Variants in RXFP2 observed in about 807,000 individuals in gnomAD.
RXFP2 encodes relaxin family peptide receptor 2, also known as relaxin receptor 2.
A neutral mutation model predicts 88.6 loss-of-function variants in RXFP2; 68 were observed. That is an observed-to-expected ratio of 0.77 (90% confidence interval 0.63 to 0.94). The LOEUF is 0.94. Ranked by LOEUF, RXFP2 falls within the 40% of genes least tolerant of loss-of-function variation. RXFP2 has a pLI of 0.00. For synonymous variants in RXFP2, 329 were observed against 306.8 expected, an observed-to-expected ratio of 1.07 and a Z score of -0.76; for missense variants, 791 against 893.9, an observed-to-expected ratio of 0.88 and a Z score of 1.47.
chr13:31,775,212 G>A (rs940584477), intron 6 of RXFP2, 106 bp from the exon 7 acceptor site: 5 of 929,432 alleles, frequency 5.4e-6, no homozygotes, highest in African/African-American at 1.6e-5. Flanking sequence ...ACTTTCAGAC[G>A]CAGATGTCCA....
intron 7 of RXFP2, among the ~76,000 whole-genome samples, chr13:31,776,351 A>G (rs1593461645): frequency 7.4e-6 from 1 of 135,874 alleles, no homozygotes; most frequent in South Asian, 2.3e-4. Flanking sequence ...AATCTCTGGG[A>G]CTCAAGCAAT....
At chr13:31,767,232 C>A (rs553751349) in intron 5 of RXFP2, among the ~76,000 whole-genome samples, 1 of 152,322 alleles carries the variant, frequency 6.6e-6, no homozygotes, top group South Asian at 2.1e-4. Flanking sequence ...TGACGTAGAA[C>A]CTTGTGTGAA....
At chr13:31,764,183 C>G (rs1872435565) in intron 3 of RXFP2, among the ~76,000 whole-genome samples, 1 of 151,748 alleles carries the variant, frequency 6.6e-6, no homozygotes, top group Non-Finnish European at 1.5e-5. Flanking sequence ...TCCAAAAATA[C>G]TTGCTCTTTC....
At chr13:31,792,150 C>T (rs1873824985) in intron 15 of RXFP2, 115 bp downstream of exon 15, 2 of 785,348 alleles carry the variant, frequency 2.5e-6, no homozygotes, top group South Asian at 1.8e-5. Context: ...ATTATACATC[C>T]TGGGCACATT....
At chr13:31,750,739 G>A (rs1410428023) in intron 1 of RXFP2, among the ~76,000 whole-genome samples, 2 of 152,220 alleles carry the variant, frequency 1.3e-5, no homozygotes, top group African/African-American at 2.4e-5. Flanking sequence ...ATTGGATTTA[G>A]TGTCAAAATG....
At chr13:31,776,777 C>A (rs906824353) in intron 7 of RXFP2, among the ~76,000 whole-genome samples, 1 of 152,120 alleles carries the variant, frequency 6.6e-6, no homozygotes, top group African/African-American at 2.4e-5. Flanking sequence ...GCTTCACAGG[C>A]AACAAGAGGA....
Position 31,792,049 on chromosome 13 carries a change from C to T in RXFP2, c.1375+14C>T. The T allele has an allele frequency of 1.3e-6, 2 of 1,557,560 alleles. No individual in the cohort carries two copies. Among genetic ancestry groups the T allele is most frequent in the Non-Finnish European group, 1.8e-6 (2 of 1,128,828 alleles). Reference sequence around the variant, plus strand: ...AAATCCTTTGTTGTAAGTATGTTTCCAGTATAAGTAGATTAAGGATATCTT... The same window carrying T: ...AAATCCTTTGTTGTAAGTATGTTTCTAGTATAAGTAGATTAAGGATATCTT... On this transcript the variant is annotated intron_variant, in intron 15 of 17. Transcript: ENST00000298386.
intron 1 of RXFP2, among the ~76,000 whole-genome samples, chr13:31,753,960 A>C (rs752525470): frequency 2.6e-5 from 4 of 152,184 alleles, no homozygotes; most frequent in African/African-American, 4.8e-5. Flanking sequence ...CTCCTTATAC[A>C]TAAAATTTGT....
At chr13:31,775,295 T>C (rs1022515020) in intron 6 of RXFP2, 23 bp from the exon 7 acceptor site, 6 of 1,584,898 alleles carry the variant, frequency 3.8e-6, no homozygotes, top group Non-Finnish European at 5.2e-6. Context: ...TTTGCCTAAT[T>C]AACTCACCCA....
Position 31,786,898 on chromosome 13 carries a change from C to T in RXFP2, c.1073+261C>T, listed in dbSNP as rs1018982808. 2.6e-5 allele frequency among the ~76,000 whole-genome samples: 4 copies of T among 152,188 alleles called. No homozygotes were observed. The East Asian group carries it at 7.7e-4, about 29-fold the overall frequency. ...TGGGTTCATGTGGCAAAATCTCATC[C>T]TACAGTTTTCACAAAGAATTAAATT... is the stretch of plus-strand genomic sequence containing the variant. On this transcript the variant is annotated intron_variant, in intron 13 of 17. Coordinates refer to ENST00000298386, the MANE Select transcript of RXFP2 (RefSeq NM_130806.5).
intron 7 of RXFP2, among the ~76,000 whole-genome samples, chr13:31,776,734 C>A (rs1221488001): frequency 2.0e-5 from 3 of 152,166 alleles, no homozygotes; most frequent in African/African-American, 7.2e-5. Flanking sequence ...CCTGCCCTCA[C>A]CGGCCACTGC....
At chr13:31,785,395 AT>A (rs1566232475) in intron 11 of RXFP2, among the ~76,000 whole-genome samples, 1 of 151,960 alleles carries the variant, frequency 6.6e-6, no homozygotes, top group African/African-American at 2.4e-5. Flanking sequence ...GGTTCAGATC[AT>A]TTTTTACACC....
At chr13:31,744,722 T>TC (rs11377644) in intron 1 of RXFP2, among the ~76,000 whole-genome samples, 54,411 of 151,950 alleles carry the variant, frequency 0.36, 9,935 homozygotes, top group East Asian at 0.42. Context: ...GTTTTTGTTT[T>TC]TTTTTTCAGT....
rs1419868651 is a variant in RXFP2 at position 31,789,174 on chromosome 13, A to G, written c.1126A>G (p.Met376Val). ...TATAAACACACGAATGTTTCAACCCATGAAGAATCTTTCTCACATGTACGT... is the reference window on the plus strand; with the variant it reads ...TATAAACACACGAATGTTTCAACCCGTGAAGAATCTTTCTCACATGTACGT... ...PNINTRMFQP[M>V]KNLSHIYFKN... Residue 376 changes from methionine (M) to valine (V), a missense_variant, in exon 14 of 18, where the codon ATG (methionine) becomes GTG (valine). Transcript: ENST00000298386. 11 of 1,606,480 alleles carry G rather than the reference A, an allele frequency of 6.8e-6. No individual in the cohort carries two copies. Among genetic ancestry groups the G allele is most frequent in the Non-Finnish European group, 9.4e-6 (11 of 1,174,244 alleles).
chr13:31,765,057 T>C lies in RXFP2; in HGVS notation c.340T>C (p.Cys114Arg). 1 of 1,605,552 alleles carries C rather than the reference T, an allele frequency of 6.2e-7. No homozygotes were observed. The highest frequency in any genetic ancestry group is 8.5e-7 in the Non-Finnish European group (1 of 1,172,426). Reference protein sequence around the residue: ...QECFLKQYPQCCDCKETELEC... With the variant: ...QECFLKQYPQRCDCKETELEC... ...ATTAGTTCTAAAACAGTATCCACAA[T>C]GCTGTGACTGCAAAGAAACTGAATT... Residue 114 changes from cysteine to arginine, a missense_variant, in exon 4 of 18, where the codon TGC becomes CGC. Transcript: ENST00000298386.
chr13:31,759,375 G>GAGAAAGAAAGAAAGAAAGA (rs1872143947), intron 2 of RXFP2, among the ~76,000 whole-genome samples: 1 of 22,944 alleles, frequency 4.4e-5, no homozygotes, highest in Admixed American at 7.1e-4. Flanking sequence ...CATTTGGATT[G>GAGAAAGAAAGAAAGAAAGA]AGAAAGAAAG....
chr13:31,775,745 T>TAAGA (rs1369881453), intron 7 of RXFP2, among the ~76,000 whole-genome samples: 1 of 152,232 alleles, frequency 6.6e-6, no homozygotes, highest in Non-Finnish European at 1.5e-5. Flanking sequence ...GTAAGCAAGT[T>TAAGA]AAGAACTTGT....
intron 1 of RXFP2, among the ~76,000 whole-genome samples, chr13:31,749,316 A>G (rs1169777378): frequency 6.6e-6 from 1 of 152,180 alleles, no homozygotes; most frequent in Non-Finnish European, 1.5e-5. Context: ...TTCCACCAAC[A>G]TCACACTGCC....
chr13:31,761,682 A>T (rs1872307896), intron 2 of RXFP2, 42 bp from the exon 3 acceptor site: 1 of 1,303,950 alleles, frequency 7.7e-7, no homozygotes, highest in African/African-American at 1.4e-5. Context: ...GATGGTATTT[A>T]GTTTCTAGAA....
Sources: gnomAD v4.1 joint callset for allele counts (sites outside exome capture counted in the v4.1 genomes callset) on GRCh38, gnomAD v4.1.1 for gene constraint, MANE v1.5 for transcripts, NCBI Gene and HGNC (gene_info 2026-07-23, HGNC 2026-07-21) for gene names.